NKAIN3: variants seen among roughly 807,000 people sequenced by gnomAD.
NKAIN3 encodes sodium/potassium-transporting ATPase subunit beta-1-interacting protein 3.
NKAIN3 carries 25 observed loss-of-function variants against 30.2 expected under a neutral mutation model. The observed-to-expected ratio is 0.83, with a 90% CI of 0.60 to 1.16. The LOEUF (loss-of-function observed/expected upper bound fraction) is 1.16, where lower values mean the gene tolerates loss of function less well. NKAIN3 is among the 50% of genes most tolerant of loss of function. The pLI, the probability that NKAIN3 is intolerant of heterozygous loss-of-function variation, is 0.00. For missense variants in NKAIN3, 225 were observed against 254.1 expected, an observed-to-expected ratio of 0.89 and a Z score of 0.78; for synonymous variants, 91 against 89.6, an observed-to-expected ratio of 1.02 and a Z score of -0.09.
intron 3 of NKAIN3, among the ~76,000 whole-genome samples, chr8:62,686,945 A>G (rs1331819453): frequency 6.6e-6 from 1 of 152,198 alleles, no homozygotes; most frequent in African/African-American, 2.4e-5. Context: ...ACAGATATTT[A>G]GAATAGGAAG....
intron 4 of NKAIN3, among the ~76,000 whole-genome samples, chr8:62,872,969 A>G (rs747644312): frequency 3.9e-5 from 6 of 152,214 alleles, no homozygotes; most frequent in Non-Finnish European, 5.9e-5. Flanking sequence ...TGTACAAAAT[A>G]ACTAAATAGC....
chr8:62,256,639 C>T (rs1812270271), intron 1 of NKAIN3, among the ~76,000 whole-genome samples: 1 of 152,140 alleles, frequency 6.6e-6, no homozygotes, highest in Non-Finnish European at 1.5e-5. Context: ...CTGCGGTAGG[C>T]TGTCTGCTCT....
At chr8:62,576,533 C>T (rs1810114216) in intron 1 of NKAIN3, among the ~76,000 whole-genome samples, 1 of 152,080 alleles carries the variant, frequency 6.6e-6, no homozygotes, top group Non-Finnish European at 1.5e-5. Context: ...TGACTTCCTT[C>T]CACTGCTTTT....
At chr8:62,986,808 T>C (rs775337334), downstream of NKAIN3, among the ~76,000 whole-genome samples, 25 of 152,208 alleles carry the variant, frequency 1.6e-4, no homozygotes, top group Non-Finnish European at 3.5e-4. Context: ...AGCCGTGTTT[T>C]ATCACCCTGC....
In NKAIN3 at chr8:62,648,264, A is replaced by G. The variant is rs181782928; in HGVS notation, c.273+58470A>G. ...AGAGAGGAACCTGGGATAGAGATGGAGATCTGAGAGTCATGAGATTACAAT... is the reference window on the plus strand; with the variant it reads ...AGAGAGGAACCTGGGATAGAGATGGGGATCTGAGAGTCATGAGATTACAAT... On this transcript the variant is annotated intron_variant, in intron 3 of 6. Coordinates refer to ENST00000623646, the MANE Select transcript of NKAIN3 (RefSeq NM_001304533.3). Among the ~76,000 whole-genome samples the G allele has an allele frequency of 3.9e-5, 6 of 152,168 alleles. No homozygotes were observed. In the East Asian group the frequency reaches 1.2e-3, roughly 29 times the overall value.
At chr8:62,999,235 T>C (rs1472940767) in exon 6 of NKAIN3, 1 of 152,178 alleles carries the variant, frequency 6.6e-6, no homozygotes, top group African/African-American at 2.4e-5. Context: ...CTGCAGGGTG[T>C]ACAAGCAACA....
chr8:62,391,812 TGTGTATGC>T (rs923285950), intron 1 of NKAIN3, among the ~76,000 whole-genome samples: 1 of 151,958 alleles, frequency 6.6e-6, no homozygotes, highest in African/African-American at 2.4e-5. Flanking sequence ...TGTGTGGGTG[TGTGTATGC>T]GTGTGTGGGT....
intron 1 of NKAIN3, among the ~76,000 whole-genome samples, chr8:62,425,589 T>A (rs1056980106): frequency 2.0e-5 from 3 of 151,946 alleles, no homozygotes; most frequent in Non-Finnish European, 4.4e-5. Context: ...GTTATTTGAC[T>A]TGTAGTCAGC....
intron 4 of NKAIN3, among the ~76,000 whole-genome samples, chr8:62,857,438 G>A (rs554636820): frequency 2.0e-4 from 30 of 152,296 alleles, no homozygotes; most frequent in Admixed American, 2.0e-3. Flanking sequence ...CCTGAAGTAT[G>A]TTTTCCAAAT....
chr8:62,955,009 A>G (rs1438345567), intron 6 of NKAIN3, among the ~76,000 whole-genome samples: 2 of 152,158 alleles, frequency 1.3e-5, no homozygotes, highest in Non-Finnish European at 1.5e-5. Flanking sequence ...TGTATAATAA[A>G]CACATATGAA....
chr8:62,320,448 C>A (rs1294813362), intron 1 of NKAIN3, among the ~76,000 whole-genome samples: 5 of 152,114 alleles, frequency 3.3e-5, no homozygotes, highest in African/African-American at 1.2e-4. Context: ...TACAATTTGG[C>A]ATGTTTTTGC....
Position 62,920,290 on chromosome 8 carries a change from T to C in NKAIN3, c.532+1777T>C, listed in dbSNP as rs542095896. On this transcript the variant is annotated intron_variant, in intron 5 of 6. Transcript: ENST00000623646. ...CAACAACAACATCCAAAACAAACAG[T>C]CCTCTTTCTTTTCCTCCTCACTAAA... Among the ~76,000 whole-genome samples the C allele has an allele frequency of 2.6e-5, 4 of 152,284 alleles. No individual in the cohort carries two copies. In the East Asian group the frequency reaches 7.7e-4, roughly 29 times the overall value.
At chr8:62,849,822 T>C (rs1435181603) in intron 4 of NKAIN3, among the ~76,000 whole-genome samples, 1 of 152,062 alleles carries the variant, frequency 6.6e-6, no homozygotes, top group Non-Finnish European at 1.5e-5. Flanking sequence ...CCATGGTGTA[T>C]ATGTGCCACA....
Position 62,582,131 on chromosome 8 carries a change from C to G in NKAIN3, c.192+2455C>G, listed in dbSNP as rs553559608. On this transcript the variant is annotated intron_variant, in intron 2 of 6. Transcript: ENST00000623646. Reference sequence around the variant, plus strand: ...TCCTTCTTTCCTTTTTCCTTCCTTCCTTTCTTCCTTCCTTCCTTCTTCTTT... The same window carrying G: ...TCCTTCTTTCCTTTTTCCTTCCTTCGTTTCTTCCTTCCTTCCTTCTTCTTT... Among the ~76,000 whole-genome samples, 418 of 74,860 alleles carry G rather than the reference C, an allele frequency of 5.6e-3. 1 individual carries two copies. Among genetic ancestry groups the G allele is most frequent in the African/African-American group, 0.016 (397 of 24,496 alleles). The allele number at this position is 74,860 out of a possible 152,430, so 49.1% of individuals were successfully genotyped here.
At chr8:62,857,750 A>G (rs1382354285) in intron 4 of NKAIN3, among the ~76,000 whole-genome samples, 1 of 152,108 alleles carries the variant, frequency 6.6e-6, no homozygotes, top group Non-Finnish European at 1.5e-5. Context: ...TTGTTTTATT[A>G]TGATTTTTAG....
At chr8:62,673,987 G>A (rs771825979) in intron 3 of NKAIN3, among the ~76,000 whole-genome samples, 20 of 152,320 alleles carry the variant, frequency 1.3e-4, no homozygotes, top group South Asian at 4.1e-4. Flanking sequence ...GGTTCTAGTG[G>A]AAGGATTAAA....
At chr8:62,955,694 T>G (rs774017635) in intron 6 of NKAIN3, among the ~76,000 whole-genome samples, 1 of 152,226 alleles carries the variant, frequency 6.6e-6, no homozygotes, top group Non-Finnish European at 1.5e-5. Flanking sequence ...CATGTACCTA[T>G]GTACCTCAAA....
intron 1 of NKAIN3, among the ~76,000 whole-genome samples, chr8:62,579,285 G>T (rs1810216667): frequency 6.6e-6 from 1 of 151,956 alleles, no homozygotes; most frequent in Non-Finnish European, 1.5e-5. Flanking sequence ...GATTTAAGAG[G>T]TGTACCTCTC....
At chr8:62,535,985 T>C (rs1217168114) in intron 1 of NKAIN3, among the ~76,000 whole-genome samples, 1 of 152,186 alleles carries the variant, frequency 6.6e-6, no homozygotes, top group Admixed American at 6.5e-5. Flanking sequence ...ATGGGAGTTA[T>C]GAGCCAGGAA....
Sources: allele counts gnomAD v4.1 joint callset (sites outside exome capture counted in the v4.1 genomes callset), GRCh38; gene constraint gnomAD v4.1.1; transcripts MANE v1.5; gene names NCBI Gene and HGNC (gene_info 2026-07-23, HGNC 2026-07-21).